Variants in ACOT12 observed in about 807,000 individuals in gnomAD.
ACOT12 encodes acyl-CoA thioesterase 12, also known as acetyl-coenzyme A thioesterase.
ACOT12 carries 51 observed loss-of-function variants against 67.7 expected under a neutral mutation model. The observed-to-expected ratio is 0.75, with a 90% CI of 0.60 to 0.95. The LOEUF (loss-of-function observed/expected upper bound fraction) is 0.95, where lower values mean the gene tolerates loss of function less well. Ranked by LOEUF, ACOT12 falls within the 40% of genes least tolerant of loss-of-function variation. The pLI is 0.00. For missense variants in ACOT12, 734 were observed against 708.1 expected (o/e 1.04, Z -0.41); for synonymous variants, 251 against 244.6 (o/e 1.03, Z -0.24).
chr5:81,318,940 A>C, the ACOT12 span, among the ~76,000 whole-genome samples: 1 of 152,160 alleles, frequency 6.6e-6, no homozygotes, highest in South Asian at 2.1e-4. Context: ...GGAGAGCTCC[A>C]ATTCCCCACC....
At chr5:81,318,167 G>A in the ACOT12 span, among the ~76,000 whole-genome samples, 26,771 of 152,084 alleles carry the variant, frequency 0.18, 2,746 homozygotes, top group East Asian at 0.26. Flanking sequence ...ACAGGTGTGA[G>A]CCACTATGCC....
intron 3 of ACOT12, among the ~76,000 whole-genome samples, chr5:81,366,946 A>T (rs1201770708): frequency 6.6e-6 from 1 of 152,152 alleles, no homozygotes; most frequent in East Asian, 1.9e-4. Context: ...GTCCAAAAGG[A>T]GAGAGAGCAC....
chr5:81,384,075 C>T (rs1760661332), intron 2 of ACOT12, among the ~76,000 whole-genome samples: 1 of 151,096 alleles, frequency 6.6e-6, no homozygotes, highest in Non-Finnish European at 1.5e-5. Flanking sequence ...AACTTCCAGC[C>T]TTCCAAGCTC....
intron 5 of ACOT12, among the ~76,000 whole-genome samples, chr5:81,350,012 C>A (rs1056054154): frequency 6.6e-6 from 1 of 152,162 alleles, no homozygotes; most frequent in Non-Finnish European, 1.5e-5. Context: ...TGAGTTCCAA[C>A]ATCTTTTTAC....
chr5:81,363,742 T>G, intron 4 of ACOT12, 46 bp downstream of exon 4: 1 of 1,414,702 alleles, frequency 7.1e-7, no homozygotes, highest in South Asian at 1.2e-5. Flanking sequence ...ATTGTTACTA[T>G]GTCCCTGAAT....
intron 12 of ACOT12, among the ~76,000 whole-genome samples, chr5:81,334,649 T>C (rs2153843808): frequency 6.6e-6 from 1 of 152,340 alleles, no homozygotes; most frequent in Admixed American, 6.5e-5. Flanking sequence ...TTTTAGAAAA[T>C]TTGAAGATGA....
intron 9 of ACOT12, 48 bp downstream of exon 9, chr5:81,344,112 T>C (rs778451888): frequency 6.3e-7 from 1 of 1,578,906 alleles, no homozygotes; most frequent in Admixed American, 1.8e-5. Flanking sequence ...ATATAATTTG[T>C]CAGATTAACG....
chr5:81,370,091 G>A (rs911443150), intron 3 of ACOT12, among the ~76,000 whole-genome samples: 2 of 152,122 alleles, frequency 1.3e-5, no homozygotes, highest in African/African-American at 2.4e-5. Context: ...GATCATCCTG[G>A]CCAACATGGT....
intron 2 of ACOT12, among the ~76,000 whole-genome samples, chr5:81,382,048 T>C (rs1044624920): frequency 6.6e-6 from 1 of 152,146 alleles, no homozygotes; most frequent in African/African-American, 2.4e-5. Context: ...TTAATTTCAA[T>C]CAAATAAGTT....
chr5:81,364,332 C>T (rs1461767680), intron 3 of ACOT12, among the ~76,000 whole-genome samples: 1 of 151,260 alleles, frequency 6.6e-6, no homozygotes, highest in Non-Finnish European at 1.5e-5. Context: ...AATATATACA[C>T]ACATTTTATA....
the ACOT12 span, chr5:81,312,829 C>T: frequency 1.0e-5 from 5 of 478,442 alleles, no homozygotes; most frequent in South Asian, 1.8e-4. Flanking sequence ...TCAAATAGTA[C>T]TTCTACCACT....
chr5:81,375,324 G>A (rs1053423230), intron 2 of ACOT12, among the ~76,000 whole-genome samples: 33 of 152,034 alleles, frequency 2.2e-4, no homozygotes, highest in South Asian at 2.1e-4. Context: ...GCTGCCTTAC[G>A]AGAGCTCCTG....
chr5:81,323,083 G>GT, the ACOT12 span, among the ~76,000 whole-genome samples: 1 of 104,070 alleles, frequency 9.6e-6, no homozygotes, highest in Non-Finnish European at 2.1e-5. Flanking sequence ...ATAGCAAAAA[G>GT]AAAAAAAAAA....
At chr5:81,312,390 A>C in the ACOT12 span, among the ~76,000 whole-genome samples, 3 of 152,232 alleles carry the variant, frequency 2.0e-5, no homozygotes, top group African/African-American at 7.2e-5. Context: ...GTTATAATCA[A>C]TTACAGAATT....
chr5:81,320,702 G>A, the ACOT12 span, among the ~76,000 whole-genome samples: 1 of 152,096 alleles, frequency 6.6e-6, no homozygotes, highest in Non-Finnish European at 1.5e-5. Context: ...TTATGAATAA[G>A]AGCCAGCAGC....
rs142627904 is a variant in ACOT12 at position 81,371,766 on chromosome 5, A to G, written c.242T>C (p.Phe81Ser). 5 of 1,614,016 alleles carry G rather than the reference A, an allele frequency of 3.1e-6. No homozygotes were observed. The highest frequency in any genetic ancestry group is 3.4e-6 in the Non-Finnish European group (4 of 1,180,018). Residue 81 changes from phenylalanine (F) to serine (S), a missense_variant, in exon 3 of 15, where the codon TTC (phenylalanine) becomes TCC (serine). Transcript: ENST00000307624. Reference sequence around the variant, plus strand: ...GCCTCTTACCTCCATGCTTGTGCTGAATGCTCTAGTAACTTTTGCTTTGAT... The same window carrying G: ...GCCTCTTACCTCCATGCTTGTGCTGGATGCTCTAGTAACTTTTGCTTTGAT... ...ITIKAKVTRA[F>S]STSMEISIKV...
chr5:81,337,403 A>G (rs955529227), intron 11 of ACOT12, among the ~76,000 whole-genome samples: 1 of 152,158 alleles, frequency 6.6e-6, no homozygotes, highest in African/African-American at 2.4e-5. Context: ...CCCCAAATTC[A>G]TATGCTGTAG....
chr5:81,386,130 A>T (rs1050962022), intron 1 of ACOT12, among the ~76,000 whole-genome samples: 1 of 152,258 alleles, frequency 6.6e-6, no homozygotes, highest in East Asian at 1.9e-4. Flanking sequence ...AATTTTAGTA[A>T]GTTGGTGCTG....
At chr5:81,381,333 T>C (rs1221864184) in intron 2 of ACOT12, among the ~76,000 whole-genome samples, 1 of 152,132 alleles carries the variant, frequency 6.6e-6, no homozygotes, top group Non-Finnish European at 1.5e-5. Context: ...CCTTCCAAAG[T>C]GCAGGGATTA....
Sources: gnomAD v4.1 joint callset for allele counts (sites outside exome capture counted in the v4.1 genomes callset) on GRCh38, gnomAD v4.1.1 for gene constraint, MANE v1.5 for transcripts, NCBI Gene and HGNC (gene_info 2026-07-23, HGNC 2026-07-21) for gene names.